KYAT1: variants seen among roughly 807,000 people sequenced by gnomAD.
The protein encoded by KYAT1 is kynurenine--oxoglutarate transaminase 1.
In KYAT1, 47 loss-of-function variants were observed where a neutral mutation model predicts 52.4. That is an observed-to-expected ratio of 0.90 (90% CI 0.71 to 1.14). KYAT1 has a LOEUF of 1.14. KYAT1 is among the 50% of genes most tolerant of loss of function. The pLI, the probability that KYAT1 is intolerant of heterozygous loss-of-function variation, is 0.00. For missense variants in KYAT1, 480 were observed against 557.9 expected, an observed-to-expected ratio of 0.86 and a Z score of 1.41; for synonymous variants, 212 against 209.6, an observed-to-expected ratio of 1.01 and a Z score of -0.10.
intron 1 of KYAT1, among the ~76,000 whole-genome samples, chr9:128,854,682 C>T (rs1012758723): frequency 4.6e-5 from 7 of 152,218 alleles, no homozygotes; most frequent in African/African-American, 1.7e-4. Context: ...GGAGCAGCTG[C>T]AGCTAATTAT....
intron 1 of KYAT1, among the ~76,000 whole-genome samples, chr9:128,862,138 A>G (rs1026275941): frequency 2.6e-5 from 4 of 152,136 alleles, no homozygotes; most frequent in Non-Finnish European, 5.9e-5. Flanking sequence ...ATTCTAAGTC[A>G]TGTCTTCATC....
intron 1 of KYAT1, among the ~76,000 whole-genome samples, chr9:128,875,922 C>T (rs1837956861): frequency 6.6e-6 from 1 of 152,138 alleles, no homozygotes; most frequent in African/African-American, 2.4e-5. Flanking sequence ...ATCACTGATG[C>T]ATTCCAGGGG....
intron 1 of KYAT1, among the ~76,000 whole-genome samples, chr9:128,856,204 AAGCCC>A (rs1834569728): frequency 6.6e-6 from 1 of 152,208 alleles, no homozygotes; most frequent in Admixed American, 6.5e-5. Context: ...GAGGCATCAA[AAGCCC>A]AGTTCAATCT....
intron 2 of KYAT1, among the ~76,000 whole-genome samples, chr9:128,845,123 G>A (rs1832858480): frequency 6.6e-6 from 1 of 152,140 alleles, no homozygotes; most frequent in Admixed American, 6.5e-5. Flanking sequence ...CTGGGGAGAT[G>A]AGGCTCAGAG....
chr9:128,849,966 C>G (rs1398747153), intron 1 of KYAT1, among the ~76,000 whole-genome samples: 2 of 147,058 alleles, frequency 1.4e-5, no homozygotes, highest in African/African-American at 5.0e-5. Flanking sequence ...CTCACTGCAG[C>G]CTCGACTTCC....
chr9:128,843,555 T>C (rs961668063), intron 2 of KYAT1, among the ~76,000 whole-genome samples: 3 of 152,048 alleles, frequency 2.0e-5, no homozygotes, highest in Non-Finnish European at 4.4e-5. Context: ...ATTTTTGTAT[T>C]TTTAGTACAG....
At chr9:128,848,113 A>T (rs1049589633) in intron 1 of KYAT1, among the ~76,000 whole-genome samples, 3 of 152,174 alleles carry the variant, frequency 2.0e-5, no homozygotes, top group African/African-American at 7.2e-5. Context: ...TGAGCCCAGG[A>T]GTTTGAGACC....
In KYAT1 at chr9:128,874,027, G is replaced by A. The variant is rs7867034; in HGVS notation, c.-7+7870C>T. Among the ~76,000 whole-genome samples the A allele has an allele frequency of 8.0e-3, 1,214 of 151,558 alleles. 9 individuals are homozygous for A. Among genetic ancestry groups the A allele is most frequent in the African/African-American group, 0.019 (785 of 41,364 alleles). On this transcript the variant is annotated intron_variant, in intron 1 of 12. Transcript: ENST00000302586. ...CCCCAGCACTTTGGGAAGCCGAGGC[G>A]GGTGGATCACCTGAGGTCAGAAGTT...
intron 1 of KYAT1, among the ~76,000 whole-genome samples, chr9:128,860,892 T>C (rs2130664790): frequency 6.6e-6 from 1 of 152,274 alleles, no homozygotes; most frequent in African/African-American, 2.4e-5. Flanking sequence ...TACCATCTTA[T>C]ATGGGCATGG....
chr9:128,841,468 C>T (rs540105099), intron 3 of KYAT1, among the ~76,000 whole-genome samples: 1 of 151,870 alleles, frequency 6.6e-6, no homozygotes, highest in African/African-American at 2.4e-5. Context: ...TTGCAGTGAG[C>T]CGAGATCGTG....
At chr9:128,850,705 C>T (rs1478838940) in intron 1 of KYAT1, among the ~76,000 whole-genome samples, 1 of 152,202 alleles carries the variant, frequency 6.6e-6, no homozygotes, top group Non-Finnish European at 1.5e-5. Flanking sequence ...AAGAGGAAAG[C>T]CTCATGAAGT....
At chr9:128,870,779 G>A (rs146401683) in intron 1 of KYAT1, among the ~76,000 whole-genome samples, 210 of 152,248 alleles carry the variant, frequency 1.4e-3, no homozygotes, top group Middle Eastern at 3.4e-3. Context: ...ACAGGGAGGA[G>A]GTAATGGGGA....
At chr9:128,877,720 C>T (rs182092095) in intron 1 of KYAT1, among the ~76,000 whole-genome samples, 25 of 152,268 alleles carry the variant, frequency 1.6e-4, no homozygotes, top group Admixed American at 1.1e-3. Flanking sequence ...TTATGACATT[C>T]GGTTTTGGAG....
intron 2 of KYAT1, among the ~76,000 whole-genome samples, chr9:128,843,376 A>T (rs564305506): frequency 6.7e-4 from 98 of 145,322 alleles, no homozygotes; most frequent in Non-Finnish European, 1.2e-3. Context: ...CATAGGAAGA[A>T]ATCATCTTTT....
At chr9:128,839,012 G>A (rs1490172694) in intron 3 of KYAT1, among the ~76,000 whole-genome samples, 1 of 151,712 alleles carries the variant, frequency 6.6e-6, no homozygotes, top group African/African-American at 2.4e-5. Flanking sequence ...CACCCAGGCT[G>A]GAGTGCAGTG....
chr9:128,837,600 G>A (rs1831347301), intron 6 of KYAT1, 85 bp downstream of exon 6: 3 of 1,498,326 alleles, frequency 2.0e-6, no homozygotes, highest in African/African-American at 1.4e-5. Flanking sequence ...ACGAAGAAAC[G>A]GAGGCCCCAC....
At chr9:128,842,942 G>T in intron 2 of KYAT1, 141 bp from the exon 3 acceptor site, 1 of 721,848 alleles carries the variant, frequency 1.4e-6, no homozygotes, top group Non-Finnish European at 2.2e-6. Context: ...CGAGGTGGGC[G>T]GATCACCTGA....
intron 1 of KYAT1, among the ~76,000 whole-genome samples, chr9:128,879,076 C>T (rs529570563): frequency 6.6e-6 from 1 of 152,066 alleles, no homozygotes; most frequent in Non-Finnish European, 1.5e-5. Context: ...TTTGGGAGGC[C>T]GAGGTGGGCG....
chr9:128,856,653 G>A (rs1834645130), intron 1 of KYAT1, among the ~76,000 whole-genome samples: 1 of 152,206 alleles, frequency 6.6e-6, no homozygotes, highest in African/African-American at 2.4e-5. Context: ...GGGATCTAGG[G>A]CTGTGCAGGA....
Sources: gnomAD v4.1 joint callset for allele counts (sites outside exome capture counted in the v4.1 genomes callset) on GRCh38, gnomAD v4.1.1 for gene constraint, MANE v1.5 for transcripts, NCBI Gene and HGNC (gene_info 2026-07-23, HGNC 2026-07-21) for gene names.